The following ENOX1 variants were observed in gnomAD, a reference collection of about 807,000 sequenced individuals.
ENOX1 encodes candidate growth-related and time keeping constitutive hydroquinone (NADH) oxidase.
Under a neutral mutation model 82.5 loss-of-function variants are expected in ENOX1, and 42 were observed. The observed-to-expected ratio is 0.51, with a 90% CI of 0.40 to 0.66. The LOEUF (loss-of-function observed/expected upper bound fraction) is 0.66, where lower values mean the gene tolerates loss of function less well. Among genes scored for constraint, ENOX1 ranks in the 30% least tolerant of loss-of-function variants. The pLI is 0.00. For synonymous variants in ENOX1, 271 were observed against 282.2 expected (o/e 0.96, Z 0.40); for missense variants, 608 against 811.6 (o/e 0.75, Z 3.05).
chr13:43,413,502 A>C (rs1342552524), intron 3 of ENOX1, among the ~76,000 whole-genome samples: 2 of 151,986 alleles, frequency 1.3e-5, no homozygotes, highest in Non-Finnish European at 2.9e-5. Flanking sequence ...CTGGAAAAGG[A>C]GGGTACCTAA....
At chr13:43,390,109 G>A (rs192674502) in intron 5 of ENOX1, among the ~76,000 whole-genome samples, 27 of 152,210 alleles carry the variant, frequency 1.8e-4, no homozygotes, top group African/African-American at 6.0e-4. Flanking sequence ...GGGGAGGTGC[G>A]GCATTATTTC....
intron 3 of ENOX1, among the ~76,000 whole-genome samples, chr13:43,450,634 G>A (rs1467518187): frequency 6.6e-6 from 1 of 152,112 alleles, no homozygotes; most frequent in African/African-American, 2.4e-5. Flanking sequence ...CAGGCTCTGT[G>A]GTATAGGGAC....
At chr13:43,566,118 T>A (rs530390952) in intron 2 of ENOX1, among the ~76,000 whole-genome samples, 1 of 152,340 alleles carries the variant, frequency 6.6e-6, no homozygotes, top group East Asian at 1.9e-4. Context: ...TTTTTGCTAC[T>A]AAAATTATGC....
In ENOX1 at chr13:43,277,954, C is replaced by A. The variant is rs112959929; in HGVS notation, c.1447-8377G>T. Reference sequence around the variant, plus strand: ...GAGGGCCTAAGTCTGCAGCAAGTGGCGGGGCACCAAGGACGGGGCCTGGGC... The same window carrying A: ...GAGGGCCTAAGTCTGCAGCAAGTGGAGGGGCACCAAGGACGGGGCCTGGGC... On this transcript the variant is annotated intron_variant, in intron 12 of 16. Coordinates refer to ENST00000690772, the MANE Select transcript of ENOX1 (RefSeq NM_001347969.2). 2.1e-3 allele frequency among the ~76,000 whole-genome samples: 324 copies of A among 152,184 alleles called. 2 individuals are homozygous for A. The highest frequency in any genetic ancestry group is 7.5e-3 in the African/African-American group (310 of 41,510).
intron 1 of ENOX1, among the ~76,000 whole-genome samples, chr13:43,744,089 C>T (rs998844353): frequency 6.6e-6 from 1 of 152,168 alleles, no homozygotes; most frequent in Admixed American, 6.5e-5. Context: ...AACACATGAT[C>T]TTTGGGAGGA....
intron 12 of ENOX1, 83 bp downstream of exon 12, chr13:43,298,263 C>G: frequency 7.1e-7 from 1 of 1,401,950 alleles, no homozygotes; most frequent in South Asian, 1.5e-5. Context: ...TTCACCCTTT[C>G]CAGCACACGG....
In ENOX1 at chr13:43,261,912, C is replaced by A. The variant is rs377424462; in HGVS notation, c.1611+3486G>T. ...CTAGATGACGAGTTAGTGGGTGCAG[C>A]GCACCAGCATGGCACATGTATACAT... On this transcript the variant is annotated intron_variant, in intron 14 of 16. Transcript: ENST00000690772. 1.7e-3 allele frequency among the ~76,000 whole-genome samples: 247 copies of A among 149,636 alleles called. 2 individuals carry two copies. Among genetic ancestry groups the A allele is most frequent in the African/African-American group, 5.9e-3 (239 of 40,588 alleles).
intron 1 of ENOX1, among the ~76,000 whole-genome samples, chr13:43,695,667 C>T (rs1440116584): frequency 6.6e-5 from 10 of 151,996 alleles, no homozygotes; most frequent in African/African-American, 1.2e-4. Context: ...AGGCTAGTCT[C>T]GAACTCCTGA....
Position 43,243,263 on chromosome 13 carries a change from C to T in ENOX1, c.1612-6525G>A, listed in dbSNP as rs150980882. On this transcript the variant is annotated intron_variant, in intron 14 of 16. Transcript: ENST00000690772. ...CAAACTGCATCCTCTTCTAACTTTTCTGTTTTTATTAAAGTCAGCATCATT... is the reference window on the plus strand; with the variant it reads ...CAAACTGCATCCTCTTCTAACTTTTTTGTTTTTATTAAAGTCAGCATCATT... Among the ~76,000 whole-genome samples, 633 of 151,934 alleles carry T rather than the reference C, an allele frequency of 4.2e-3. 7 individuals are homozygous for T. Among genetic ancestry groups the T allele is most frequent in the African/African-American group, 0.014 (576 of 41,452 alleles).
At chr13:43,762,968 C>T (rs1318036117) in intron 1 of ENOX1, among the ~76,000 whole-genome samples, 1 of 152,060 alleles carries the variant, frequency 6.6e-6, no homozygotes, top group Non-Finnish European at 1.5e-5. Flanking sequence ...GTAAATATGG[C>T]TAATAAATTA....
At chr13:43,409,307 C>A (rs2053980391) in intron 5 of ENOX1, among the ~76,000 whole-genome samples, 1 of 152,084 alleles carries the variant, frequency 6.6e-6, no homozygotes, top group South Asian at 2.1e-4. Flanking sequence ...TTTTGATGTA[C>A]TAGTTCCACA....
intron 3 of ENOX1, among the ~76,000 whole-genome samples, chr13:43,413,959 T>A (rs927166355): frequency 6.6e-6 from 1 of 151,936 alleles, no homozygotes; most frequent in South Asian, 2.1e-4. Flanking sequence ...ATATAACAAC[T>A]AAGTCTAAAT....
At chr13:43,701,897 G>A (rs940914787) in intron 1 of ENOX1, among the ~76,000 whole-genome samples, 2 of 152,078 alleles carry the variant, frequency 1.3e-5, no homozygotes, top group African/African-American at 4.8e-5. Context: ...TATATATATA[G>A]TTTTACATAG....
At chr13:43,535,946 T>C (rs2078441715) in intron 2 of ENOX1, among the ~76,000 whole-genome samples, 1 of 152,166 alleles carries the variant, frequency 6.6e-6, no homozygotes. Context: ...TAATGGCCTG[T>C]AGCATAAATA....
intron 1 of ENOX1, among the ~76,000 whole-genome samples, chr13:43,711,254 A>AT (rs1192317942): frequency 2.6e-5 from 4 of 151,764 alleles, no homozygotes; most frequent in East Asian, 1.9e-4. Flanking sequence ...TGAACTCATC[A>AT]TTTTTTATGG....
At chr13:43,623,993 A>C (rs1218754430) in intron 2 of ENOX1, among the ~76,000 whole-genome samples, 1 of 152,168 alleles carries the variant, frequency 6.6e-6, no homozygotes, top group Non-Finnish European at 1.5e-5. Flanking sequence ...TTAGTTCTTT[A>C]TGAAACTGTC....
chr13:43,266,149 C>T (rs1267961670), intron 13 of ENOX1, among the ~76,000 whole-genome samples: 1 of 152,140 alleles, frequency 6.6e-6, no homozygotes, highest in African/African-American at 2.4e-5. Context: ...CCTATCCTGA[C>T]GCAAAACAGA....
intron 14 of ENOX1, among the ~76,000 whole-genome samples, chr13:43,243,231 C>T (rs1457159785): frequency 6.6e-6 from 1 of 151,810 alleles, no homozygotes; most frequent in Non-Finnish European, 1.5e-5. Context: ...CAGTTCATCT[C>T]ACTCGTCAAA....
chr13:43,304,319 C>G (rs1330483837), intron 11 of ENOX1, among the ~76,000 whole-genome samples: 1 of 152,164 alleles, frequency 6.6e-6, no homozygotes, highest in Non-Finnish European at 1.5e-5. Flanking sequence ...ATGATACAGT[C>G]AATATGATTA....
Sources: gnomAD v4.1 joint callset for allele counts (sites outside exome capture counted in the v4.1 genomes callset) on GRCh38, gnomAD v4.1.1 for gene constraint, MANE v1.5 for transcripts, NCBI Gene and HGNC (gene_info 2026-07-23, HGNC 2026-07-21) for gene names.